The following ADGRL4 variants were observed in gnomAD, a reference collection of about 807,000 sequenced individuals.
ADGRL4 encodes adhesion G protein-coupled receptor L4, also known as EGF, latrophilin and seven transmembrane domain containing 1.
ADGRL4 carries 90 observed loss-of-function variants against 74.8 expected under a neutral mutation model. That is an observed-to-expected ratio of 1.20 (90% CI 1.02 to 1.43). The LOEUF (loss-of-function observed/expected upper bound fraction) is 1.43, where lower values mean the gene tolerates loss of function less well. Ranked by LOEUF, ADGRL4 falls within the 40% of genes most tolerant of loss-of-function variation. The probability of loss-of-function intolerance (pLI) is 0.00; values close to 1 mark genes in which losing one functional copy is unlikely to be tolerated. For synonymous variants in ADGRL4, 311 were observed against 279.2 expected (o/e 1.11, Z -1.14); for missense variants, 881 against 814.3 (o/e 1.08, Z -1.00).
At chr1:78,910,620 T>C (rs10493617) in intron 12 of ADGRL4, among the ~76,000 whole-genome samples, 46,560 of 151,700 alleles carry the variant, frequency 0.31, 7,817 homozygotes, top group South Asian at 0.44. Context: ...TATAGTTGTG[T>C]ACTTGAATCT....
intron 2 of ADGRL4, among the ~76,000 whole-genome samples, chr1:78,989,811 G>C (rs1284815849): frequency 6.6e-6 from 1 of 151,868 alleles, no homozygotes; most frequent in Non-Finnish European, 1.5e-5. Context: ...ATATGGCTGG[G>C]GTTATAACTA....
At chr1:78,947,698 G>C (rs1175410627) in intron 2 of ADGRL4, among the ~76,000 whole-genome samples, 1 of 152,062 alleles carries the variant, frequency 6.6e-6, no homozygotes. Context: ...GAAAATAAAG[G>C]AATAAAAAAT....
At position 79,006,718 on chromosome 1, in the gene ADGRL4, G is replaced by A; in HGVS notation, c.-64C>T. The A allele has an allele frequency of 1.4e-6, 2 of 1,400,816 alleles. No individual in the cohort carries two copies. The highest frequency in any genetic ancestry group is 3.0e-5 in the East Asian group (1 of 33,168). The allele number at this position is 1,400,816 out of a possible 1,614,324, so 86.8% of individuals were successfully genotyped here. On this transcript the variant is annotated 5_prime_UTR_variant, in exon 1 of 15. Transcript: ENST00000370742. Reference sequence around the variant, plus strand: ...GCGGAGTGAGTGCGGCTGTGGACCCGGGACCGGGCGCCGCTGGGCGGGCGC... The same window carrying A: ...GCGGAGTGAGTGCGGCTGTGGACCCAGGACCGGGCGCCGCTGGGCGGGCGC...
intron 2 of ADGRL4, among the ~76,000 whole-genome samples, chr1:78,972,072 T>A (rs1650180579): frequency 6.6e-6 from 1 of 152,140 alleles, no homozygotes; most frequent in South Asian, 2.1e-4. Flanking sequence ...TTTTAAGGAT[T>A]AAAAAACCTT....
intron 12 of ADGRL4, among the ~76,000 whole-genome samples, chr1:78,896,537 C>T (rs1207096307): frequency 6.6e-6 from 1 of 152,108 alleles, no homozygotes; most frequent in Non-Finnish European, 1.5e-5. Context: ...CTCTTTATTT[C>T]TACCTTCAAA....
chr1:78,903,363 G>A (rs1038962965), intron 12 of ADGRL4, among the ~76,000 whole-genome samples: 1 of 152,088 alleles, frequency 6.6e-6, no homozygotes, highest in Non-Finnish European at 1.5e-5. Flanking sequence ...ACAAGAAAAT[G>A]ACAAACTGAC....
intron 12 of ADGRL4, among the ~76,000 whole-genome samples, chr1:78,908,529 T>C (rs1648691879): frequency 1.3e-5 from 2 of 151,978 alleles, no homozygotes; most frequent in South Asian, 2.1e-4. Context: ...TGAAATGCTG[T>C]TACTATTTTT....
At chr1:78,999,111 T>A (rs1650783102) in intron 2 of ADGRL4, among the ~76,000 whole-genome samples, 1 of 152,136 alleles carries the variant, frequency 6.6e-6, no homozygotes, top group Middle Eastern at 3.2e-3. Context: ...TAATTTACTT[T>A]TAAAATAACC....
rs183957525 is a variant in ADGRL4, at chr1:78,977,376, T to C, written c.172+27694A>G. On this transcript the variant is annotated intron_variant, in intron 2 of 14. Coordinates refer to ENST00000370742, the MANE Select transcript of ADGRL4 (RefSeq NM_022159.4). The stretch of plus-strand genomic sequence containing the variant: ...TAGGGTAATTGAAATGTTCTGTATA[T>C]TAATTGTGGTGTTGGTTAAATGGCT... Among the ~76,000 whole-genome samples the C allele has an allele frequency of 2.0e-3, 300 of 151,966 alleles. 1 individual carries two copies. Among genetic ancestry groups the C allele is most frequent in the South Asian group, 9.5e-3 (46 of 4,830 alleles).
At chr1:78,972,009 C>A (rs905306324) in intron 2 of ADGRL4, among the ~76,000 whole-genome samples, 1 of 152,154 alleles carries the variant, frequency 6.6e-6, no homozygotes, top group Non-Finnish European at 1.5e-5. Context: ...CCTGCCTCAG[C>A]CTCCCAAAGT....
intron 12 of ADGRL4, among the ~76,000 whole-genome samples, chr1:78,913,459 C>A (rs948323325): frequency 6.6e-6 from 1 of 151,920 alleles, no homozygotes; most frequent in Non-Finnish European, 1.5e-5. Context: ...AGAATGAGTT[C>A]ATGTCCTTTG....
intron 2 of ADGRL4, among the ~76,000 whole-genome samples, chr1:78,951,817 G>A (rs892514407): frequency 1.3e-5 from 2 of 152,172 alleles, no homozygotes; most frequent in Admixed American, 6.5e-5. Flanking sequence ...ATTTTTCAGC[G>A]TTGAAGAGTG....
intron 2 of ADGRL4, among the ~76,000 whole-genome samples, chr1:78,977,806 G>A (rs1330013638): frequency 6.6e-6 from 1 of 151,728 alleles, no homozygotes; most frequent in Non-Finnish European, 1.5e-5. Flanking sequence ...AAAATACAGG[G>A]ATAAGCATTA....
intron 12 of ADGRL4, among the ~76,000 whole-genome samples, chr1:78,912,594 G>T (rs1389251420): frequency 6.6e-6 from 1 of 151,714 alleles, no homozygotes; most frequent in African/African-American, 2.4e-5. Context: ...CCACAAAACT[G>T]GTCCCTGGTG....
intron 8 of ADGRL4, 67 bp downstream of exon 8, chr1:78,926,819 C>G: frequency 3.4e-6 from 4 of 1,163,944 alleles, no homozygotes. Flanking sequence ...TTAAGTGACA[C>G]AACAAAGAGT....
In ADGRL4 at chr1:78,987,466, A is replaced by T. The variant is rs543538384; in HGVS notation, c.172+17604T>A. Among the ~76,000 whole-genome samples the T allele has an allele frequency of 1.4e-4, 21 of 151,800 alleles. No homozygotes were observed. The East Asian group carries it at 2.1e-3, about 15-fold the overall frequency. ...GTAAATAATTTTCATGAATCAGGAT[A>T]AAAAAATTACCACCATTAATTAAAA... On this transcript the variant is annotated intron_variant, in intron 2 of 14. Coordinates refer to ENST00000370742, the MANE Select transcript of ADGRL4 (RefSeq NM_022159.4).
At chr1:78,974,152 CTT>C (rs1650232674) in intron 2 of ADGRL4, among the ~76,000 whole-genome samples, 1 of 152,086 alleles carries the variant, frequency 6.6e-6, no homozygotes, top group African/African-American at 2.4e-5. Flanking sequence ...TCCAGTTTAT[CTT>C]CAGTGCAAAA....
chr1:78,903,529 G>T (rs1648561162), intron 12 of ADGRL4, among the ~76,000 whole-genome samples: 1 of 152,118 alleles, frequency 6.6e-6, no homozygotes, highest in Non-Finnish European at 1.5e-5. Context: ...ACAATTTGAA[G>T]CATGGATTTA....
intron 2 of ADGRL4, among the ~76,000 whole-genome samples, chr1:78,994,514 A>T (rs115680335): frequency 0.025 from 3,777 of 152,276 alleles, 69 homozygotes; most frequent in South Asian, 0.055. Context: ...TTCTCCTCAA[A>T]AGGGTAGTCA....
Sources: gnomAD v4.1 joint callset for allele counts (sites outside exome capture counted in the v4.1 genomes callset) on GRCh38, gnomAD v4.1.1 for gene constraint, MANE v1.5 for transcripts, NCBI Gene and HGNC (gene_info 2026-07-23, HGNC 2026-07-21) for gene names.